CD96: variants seen among roughly 807,000 people sequenced by gnomAD.
CD96 encodes T-cell surface protein tactile.
CD96 carries 70 observed loss-of-function variants against 71.3 expected under a neutral mutation model. The observed-to-expected ratio is 0.98, with a 90% CI of 0.81 to 1.20. CD96 has a LOEUF of 1.20. CD96 is among the 50% of genes most tolerant of loss of function. The probability of loss-of-function intolerance (pLI) is 0.00; values close to 1 mark genes in which losing one functional copy is unlikely to be tolerated. For missense variants in CD96, 742 were observed against 677.5 expected (o/e 1.10, Z -1.06); for synonymous variants, 248 against 233.0 (o/e 1.06, Z -0.59).
In CD96 at chr3:111,616,792, A is replaced by C. The variant is rs1023261414; in HGVS notation, c.1181-6962A>C. On this transcript the variant is annotated intron_variant, in intron 8 of 13. Transcript: ENST00000352690. ...TGTTGAGCCCGTAGAGGCTGAGAAC[A>C]GGAGGGAGCCTGCCCCCTACTGACT... 1.5e-4 allele frequency among the ~76,000 whole-genome samples: 23 copies of C among 152,134 alleles called. 1 individual carries two copies. Among genetic ancestry groups the C allele is most frequent in the Non-Finnish European group, 2.8e-4 (19 of 68,002 alleles).
At chr3:111,579,004 C>T in intron 3 of CD96, 23 bp from the exon 4 acceptor site, 1 of 1,311,450 alleles carries the variant, frequency 7.6e-7, no homozygotes, top group Non-Finnish European at 1.1e-6. Context: ...GACTCAATAA[C>T]TGGTAACAAT....
intron 4 of CD96, among the ~76,000 whole-genome samples, chr3:111,584,412 T>C (rs1936607784): frequency 6.6e-6 from 1 of 152,208 alleles, no homozygotes; most frequent in Non-Finnish European, 1.5e-5. Flanking sequence ...AGTTCCAAAG[T>C]TGCATCCACA....
intron 2 of CD96, among the ~76,000 whole-genome samples, chr3:111,549,458 A>AT (rs950916744): frequency 2.6e-5 from 4 of 151,994 alleles, no homozygotes; most frequent in South Asian, 2.1e-4. Context: ...GTTTTGTTTG[A>AT]TTTTTTTTGT....
chr3:111,620,819 C>T (rs563029464), intron 8 of CD96, among the ~76,000 whole-genome samples: 1 of 152,308 alleles, frequency 6.6e-6, no homozygotes, highest in East Asian at 1.9e-4. Flanking sequence ...AGGCAGCATG[C>T]ATCCCTGAGG....
chr3:111,624,929 A>C (rs1938676401), intron 10 of CD96, among the ~76,000 whole-genome samples: 2 of 152,262 alleles, frequency 1.3e-5, no homozygotes, highest in Admixed American at 1.3e-4. Context: ...TAGCAGATAC[A>C]GACAGGATCT....
At chr3:111,586,093 A>G (rs1356890352) in intron 5 of CD96, among the ~76,000 whole-genome samples, 1 of 152,218 alleles carries the variant, frequency 6.6e-6, no homozygotes, top group Non-Finnish European at 1.5e-5. Flanking sequence ...ATTAAATAAC[A>G]TATGAAAAAA....
intron 12 of CD96, among the ~76,000 whole-genome samples, chr3:111,646,394 A>G (rs1939828527): frequency 6.6e-6 from 1 of 152,088 alleles, no homozygotes; most frequent in African/African-American, 2.4e-5. Context: ...AAAAACATGT[A>G]AAATGTAAAA....
chr3:111,564,218 T>G (rs945708239), intron 2 of CD96, among the ~76,000 whole-genome samples: 1 of 152,032 alleles, frequency 6.6e-6, no homozygotes, highest in Non-Finnish European at 1.5e-5. Flanking sequence ...TTTTTAATAT[T>G]TGTTCTGTTC....
chr3:111,637,248 C>T lies in CD96; in HGVS notation c.1374C>T (p.Gly458=). The T allele has an allele frequency of 6.4e-7, 1 of 1,562,500 alleles. No individual in the cohort carries two copies. The highest frequency in any genetic ancestry group is 1.1e-5 in the South Asian group (1 of 90,054). Residue 458 remains glycine (G), a synonymous_variant, in exon 11 of 14, where the codon GGC becomes GGT. Coordinates refer to ENST00000352690, the MANE Select transcript of CD96 (RefSeq NM_005816.5). ...ACAGTTCATCCCCGTCAGGTGCAGG[C>T]TCAACACTTCATGGTGAGTACTTGG... ...ETYSSSPSGA[G]STLHDNVFTS...
rs1040182940 is a variant in CD96, at chr3:111,595,544, A to T, written c.808-2576A>T. The T allele has an allele frequency of 2.0e-5, 3 of 152,188 alleles. No homozygotes were observed. In the South Asian group the frequency reaches 6.2e-4, roughly 32 times the overall value. The allele number at this position is 152,188 out of a possible 1,614,324, so 9.4% of individuals were successfully genotyped here. ...CACCCCCTCCACCACCAAGAAAAGG[A>T]TGTTCCTGGCATATGTCATGCAGCA... On this transcript the variant is annotated intron_variant, in intron 5 of 13. Transcript: ENST00000352690.
chr3:111,569,361 T>A (rs1935867038), intron 3 of CD96, among the ~76,000 whole-genome samples: 1 of 152,220 alleles, frequency 6.6e-6, no homozygotes, highest in Admixed American at 6.5e-5. Flanking sequence ...TCGTCTGCCC[T>A]TTTATAGGAT....
downstream of CD96, among the ~76,000 whole-genome samples, chr3:111,655,353 C>T (rs562684492): frequency 3.3e-5 from 5 of 152,140 alleles, no homozygotes; most frequent in South Asian, 1.0e-3. Context: ...AATCTAAGAA[C>T]TACTTATTGC....
chr3:111,590,841 A>G (rs1039692024), intron 5 of CD96, among the ~76,000 whole-genome samples: 4 of 152,232 alleles, frequency 2.6e-5, no homozygotes, highest in African/African-American at 9.6e-5. Flanking sequence ...GAGTGTACTC[A>G]GCAGTTCAGA....
At chr3:111,549,655 T>A (rs1934596501) in intron 2 of CD96, among the ~76,000 whole-genome samples, 1 of 152,038 alleles carries the variant, frequency 6.6e-6, no homozygotes, top group Non-Finnish European at 1.5e-5. Context: ...GTGTAGGAGA[T>A]TCTCCCCACA....
intron 12 of CD96, among the ~76,000 whole-genome samples, chr3:111,646,882 A>G (rs6770679): frequency 0.26 from 39,163 of 151,788 alleles, 5,997 homozygotes; most frequent in African/African-American, 0.43. Context: ...ATACTATGAA[A>G]CCATAAAAAG....
chr3:111,586,992 C>T (rs1342757337), intron 5 of CD96, among the ~76,000 whole-genome samples: 1 of 152,050 alleles, frequency 6.6e-6, no homozygotes, highest in Non-Finnish European at 1.5e-5. Flanking sequence ...TAAGGCAAGT[C>T]CCTTCTGCCT....
chr3:111,555,199 G>A (rs1422635171), intron 2 of CD96, among the ~76,000 whole-genome samples: 1 of 48,516 alleles, frequency 2.1e-5, no homozygotes, highest in Non-Finnish European at 4.4e-5. Flanking sequence ...AGAATTTCAT[G>A]TTCTTTAACA....
At chr3:111,593,877 C>G (rs771702222) in intron 5 of CD96, 92 of 1,613,662 alleles carry the variant, frequency 5.7e-5, no homozygotes, top group Admixed American at 3.3e-4. Flanking sequence ...TTCTCCAGCT[C>G]CTCTCTGTGC....
chr3:111,573,663 C>T (rs933595223), intron 3 of CD96, among the ~76,000 whole-genome samples: 42 of 152,130 alleles, frequency 2.8e-4, no homozygotes, highest in African/African-American at 1.0e-3. Context: ...AAGAATATTT[C>T]CAATTCAAAC....
Sources: gnomAD v4.1 joint callset for allele counts (sites outside exome capture counted in the v4.1 genomes callset) on GRCh38, gnomAD v4.1.1 for gene constraint, MANE v1.5 for transcripts, NCBI Gene and HGNC (gene_info 2026-07-23, HGNC 2026-07-21) for gene names.